The following PELP1 variants were observed in gnomAD, a reference collection of about 807,000 sequenced individuals.
PELP1 encodes proline, glutamate and leucine rich protein 1.
Under a neutral mutation model 95.5 loss-of-function variants are expected in PELP1, and 32 were observed. The ratio of observed to expected loss-of-function variants is 0.34; its 90% CI spans 0.25 to 0.45. The LOEUF (loss-of-function observed/expected upper bound fraction) is 0.45, where lower values mean the gene tolerates loss of function less well. PELP1 is among the 20% of genes least tolerant of loss of function. PELP1 has a pLI of 1.00. For synonymous variants in PELP1, 668 were observed against 600.1 expected, an observed-to-expected ratio of 1.11 and a Z score of -1.65; for missense variants, 1,358 against 1,444.8, an observed-to-expected ratio of 0.94 and a Z score of 0.97.
intron 6 of PELP1, 68 bp from the exon 7 acceptor site, chr17:4,676,575 C>A (rs576797270): frequency 6.3e-7 from 1 of 1,575,004 alleles, no homozygotes; most frequent in Non-Finnish European, 8.7e-7. Context: ...CCCAGCCCCA[C>A]TGACACCCAA....
intron 7 of PELP1, 97 bp from the exon 8 acceptor site, chr17:4,676,259 C>A: frequency 6.3e-7 from 1 of 1,580,754 alleles, no homozygotes; most frequent in South Asian, 1.1e-5. Flanking sequence ...CCCATTTTCC[C>A]CAAAAACCAA....
intron 1 of PELP1, among the ~76,000 whole-genome samples, chr17:4,701,506 G>A (rs1046864063): frequency 5.3e-5 from 8 of 152,178 alleles, no homozygotes; most frequent in Non-Finnish European, 8.8e-5. Flanking sequence ...AAGACTGAAG[G>A]TAAGGAGACC....
chr17:4,691,031 G>C lies in PELP1; in HGVS notation c.315-38C>G, dbSNP rs1567666828. On this transcript the variant is annotated intron_variant, in intron 2 of 16. Transcript: ENST00000572293. ...AAGAGAGTCATGTTAAGTGGGCGGA[G>C]GCTAGACTTCAGAGAAAGTGACTGC... 3 of 1,427,734 alleles carry C rather than the reference G, an allele frequency of 2.1e-6. No homozygotes were observed. The South Asian group carries it at 3.4e-5, about 16-fold the overall frequency. The allele number at this position is 1,427,734 out of a possible 1,614,324, so 88.4% of individuals were successfully genotyped here.
Position 4,674,792 on chromosome 17 carries a change from A to G in PELP1, c.1422+17T>C, listed in dbSNP as rs1222172166. The G allele has an allele frequency of 6.2e-7, 1 of 1,604,426 alleles. No homozygotes were observed. Among genetic ancestry groups the G allele is most frequent in the Admixed American group, 1.7e-5 (1 of 59,350 alleles). ...GGGCACAGGATGAGTCCTAAGGCGG[A>G]GCTGAGGCCTCCTCACCTTAAGGGC... On this transcript the variant is annotated intron_variant, in intron 12 of 16. Transcript: ENST00000572293.
At chr17:4,697,935 G>A (rs151198000) in intron 1 of PELP1, among the ~76,000 whole-genome samples, 1 of 150,134 alleles carries the variant, frequency 6.7e-6, no homozygotes, top group Admixed American at 6.6e-5. Context: ...GAAGAAATCT[G>A]GCAGAGACCT....
At chr17:4,695,582 C>T (rs1913265107) in intron 1 of PELP1, among the ~76,000 whole-genome samples, 2 of 148,420 alleles carry the variant, frequency 1.3e-5, no homozygotes, top group South Asian at 4.4e-4. Flanking sequence ...AGAAGGATCG[C>T]TTGAATCCAG....
chr17:4,688,340 G>GA (rs112012067), intron 3 of PELP1, among the ~76,000 whole-genome samples: 90 of 141,910 alleles, frequency 6.3e-4, no homozygotes, highest in Middle Eastern at 3.7e-3. Context: ...CCATCTAAAA[G>GA]AAAAAAAAAA....
chr17:4,672,641 A>C lies in PELP1; in HGVS notation c.2350T>G (p.Ser784Ala). 1 of 1,612,782 alleles carries C rather than the reference A, an allele frequency of 6.2e-7. No homozygotes were observed. Among genetic ancestry groups the C allele is most frequent in the Non-Finnish European group, 8.5e-7 (1 of 1,179,436 alleles). ...SDVEISLESD[S>A]DDSVVIVPEG... ...GGCACGATCACCACGCTGTCATCAG[A>C]GTCACTTTCCAAGGAGATCTCCACA... The change falls in exon 16 of 17, where the codon TCT (serine) becomes GCT (alanine). Residue 784 changes from serine (S) to alanine (A), a missense_variant. This residue lies in a region of PELP1 where 340 missense variants were observed against 322.9 expected (regional missense o/e 1.05). Coordinates refer to ENST00000572293, the MANE Select transcript of PELP1 (RefSeq NM_014389.3).
chr17:4,671,480 C>T lies in PELP1; in HGVS notation c.3352G>A (p.Asp1118Asn). The T allele has an allele frequency of 6.2e-7, 1 of 1,610,766 alleles. No homozygotes were observed. The highest frequency in any genetic ancestry group is 8.5e-7 in the Non-Finnish European group (1 of 1,176,982). The change falls in exon 17 of 17, where the codon GAT becomes AAT. Residue 1118 changes from aspartate to asparagine, a missense_variant. This residue lies in a region of PELP1 where 283 missense variants were observed against 284.1 expected (regional missense o/e 1.00). Transcript: ENST00000572293. ...MLADFIDCPP[D>N]DEKPPPPTEP... ...GTGGGAGGTGGTGGCTTCTCATCAT[C>T]AGGGGGACAATCGATGAAGTCGGCC...
chr17:4,686,103 A>C (rs1215963357), intron 3 of PELP1, among the ~76,000 whole-genome samples: 1 of 151,940 alleles, frequency 6.6e-6, no homozygotes, highest in Non-Finnish European at 1.5e-5. Flanking sequence ...CCTCAAAAAA[A>C]AGCCAACTAA....
At chr17:4,676,302 C>T in intron 7 of PELP1, 55 bp downstream of exon 7, 1 of 1,592,254 alleles carries the variant, frequency 6.3e-7, no homozygotes, top group Non-Finnish European at 8.6e-7. Flanking sequence ...CCTCCTGTTC[C>T]TTCCTGCCAC....
chr17:4,678,841 C>T lies in PELP1; in HGVS notation c.643-2029G>A, dbSNP rs530818723. ...AGTCTACAATTACCCTGAGAGTATC[C>T]GGGGAATGTAACAGAAAACACAGAC... On this transcript the variant is annotated intron_variant, in intron 5 of 16. Coordinates refer to ENST00000572293, the MANE Select transcript of PELP1 (RefSeq NM_014389.3). 3.5e-4 allele frequency among the ~76,000 whole-genome samples: 53 copies of T among 152,160 alleles called. No individual in the cohort carries two copies. In the Middle Eastern group the frequency reaches 0.01, roughly 29 times the overall value.
chr17:4,687,177 C>T (rs1258977533), intron 3 of PELP1, among the ~76,000 whole-genome samples: 1 of 152,176 alleles, frequency 6.6e-6, no homozygotes, highest in East Asian at 1.9e-4. Context: ...ACATGTTTTC[C>T]AAGAACTATA....
At chr17:4,690,745 C>T (rs1913069153) in intron 3 of PELP1, 143 bp downstream of exon 3, 1 of 589,232 alleles carries the variant, frequency 1.7e-6, no homozygotes, top group South Asian at 2.4e-5. Context: ...CTATTTGAAG[C>T]TTATCCTCTC....
chr17:4,694,030 C>T (rs1040308938), intron 1 of PELP1, among the ~76,000 whole-genome samples: 1 of 152,138 alleles, frequency 6.6e-6, no homozygotes, highest in African/African-American at 2.4e-5. Flanking sequence ...AGACCCAACA[C>T]AGCAAAACAG....
At chr17:4,700,474 G>A (rs940352050) in intron 1 of PELP1, among the ~76,000 whole-genome samples, 41 of 152,018 alleles carry the variant, frequency 2.7e-4, no homozygotes, top group African/African-American at 8.9e-4. Context: ...GTGAAACTCC[G>A]TCTCTACTAA....
At chr17:4,703,023 T>A (rs1381830099) in intron 1 of PELP1, among the ~76,000 whole-genome samples, 1 of 152,156 alleles carries the variant, frequency 6.6e-6, no homozygotes, top group Admixed American at 6.6e-5. Flanking sequence ...TGGAGGTGTA[T>A]GAAGAAGAGT....
rs1912132120 is a variant in PELP1 at position 4,669,914 on chromosome 17, G to A, written c.*1525C>T. ...TAATTCATGTTAAAGAATCTGGGAT[G>A]GGAAGGGCCACGGTGTCTACAGCTT... On this transcript the variant is annotated 3_prime_UTR_variant, in exon 17 of 17. Coordinates refer to ENST00000572293, the MANE Select transcript of PELP1 (RefSeq NM_014389.3). 1 of 152,120 alleles carries A rather than the reference G, an allele frequency of 6.6e-6. No individual in the cohort carries two copies. The highest frequency in any genetic ancestry group is 2.4e-5 in the African/African-American group (1 of 41,418). The allele number at this position is 152,120 out of a possible 1,614,324, so 9.4% of individuals were successfully genotyped here.
intron 1 of PELP1, 67 bp from the exon 2 acceptor site, chr17:4,691,509 C>T: frequency 7.8e-7 from 1 of 1,278,438 alleles, no homozygotes; most frequent in East Asian, 2.3e-5. Flanking sequence ...ATTCTTCAAG[C>T]CCTTCTCTGT....
Sources: gnomAD v4.1 joint callset for allele counts (sites outside exome capture counted in the v4.1 genomes callset) on GRCh38, gnomAD v4.1.1 for gene constraint, gnomAD v4.1.1 regional missense constraint, MANE v1.5 for transcripts, NCBI Gene and HGNC (gene_info 2026-07-23, HGNC 2026-07-21) for gene names.